Variants in EHBP1 observed in about 807,000 individuals in gnomAD.
EHBP1 encodes EH domain-binding protein 1.
A neutral mutation model predicts 144.0 loss-of-function variants in EHBP1; 55 were observed. The observed-to-expected ratio is 0.38, with a 90% confidence interval of 0.31 to 0.48. EHBP1 has a LOEUF of 0.48. EHBP1 is among the 20% of genes least tolerant of loss of function. The pLI, the probability that EHBP1 is intolerant of heterozygous loss-of-function variation, is 0.98. For missense variants in EHBP1, 1,200 were observed against 1,364.2 expected, an observed-to-expected ratio of 0.88 and a Z score of 1.90; for synonymous variants, 469 against 472.7, an observed-to-expected ratio of 0.99 and a Z score of 0.10.
Position 63,019,830 on chromosome 2 carries a change from G to GGGAAGGAAGGAA in EHBP1, c.3104-17652_3104-17641dup, listed in dbSNP as rs539462695. 3.1e-3 allele frequency among the ~76,000 whole-genome samples: 109 copies of GGGAAGGAAGGAA among 34,768 alleles called. 1 individual carries two copies. Among genetic ancestry groups the GGGAAGGAAGGAA allele is most frequent in the Middle Eastern group, 0.019 (1 of 54 alleles). 22.8% of individuals were successfully genotyped at this position (34,768 alleles called of 152,430 possible). A position where few individuals can be genotyped will look rare whatever the true frequency, so the allele number is the denominator to read the frequency against. Reference sequence around the variant, plus strand: ...AAGGATAGGGAAGGGAAGAGGGGGAGGGAAGGAAGGAAGGAAGGAAGGAAG... The same window carrying GGGAAGGAAGGAA: ...AAGGATAGGGAAGGGAAGAGGGGGAGGGAAGGAAGGAAGGAAGGAAGGAAGGAAGGAAGGAAG... On this transcript the variant is annotated intron_variant, in intron 19 of 22. Transcript: ENST00000431489.
At chr2:62,995,800 G>T (rs991341284) in intron 18 of EHBP1, among the ~76,000 whole-genome samples, 14 of 152,096 alleles carry the variant, frequency 9.2e-5, no homozygotes, top group Non-Finnish European at 1.6e-4. Context: ...TGACTTTGAT[G>T]ATTTAAATTT....
intron 10 of EHBP1, among the ~76,000 whole-genome samples, chr2:62,890,668 A>G (rs2052382385): frequency 1.3e-5 from 2 of 152,142 alleles, no homozygotes; most frequent in Admixed American, 1.3e-4. Context: ...TAGATATTGG[A>G]TTATGTCGTC....
chr2:62,972,549 T>G (rs748497373), intron 14 of EHBP1, among the ~76,000 whole-genome samples: 5 of 152,180 alleles, frequency 3.3e-5, no homozygotes, highest in Non-Finnish European at 7.3e-5. Flanking sequence ...CATAATCAAT[T>G]ACTATAATTA....
chr2:62,835,754 A>T (rs1389604281), intron 7 of EHBP1, among the ~76,000 whole-genome samples: 1 of 152,232 alleles, frequency 6.6e-6, no homozygotes, highest in Admixed American at 6.5e-5. Flanking sequence ...AAATCGGGTC[A>T]CTCACACCCA....
intron 21 of EHBP1, among the ~76,000 whole-genome samples, chr2:63,039,732 A>G (rs2061584353): frequency 6.6e-6 from 1 of 152,192 alleles, no homozygotes; most frequent in Non-Finnish European, 1.5e-5. Context: ...TTCTTAAAAT[A>G]TTTTAATAAA....
chr2:62,878,942 C>A (rs2051126957), intron 10 of EHBP1, among the ~76,000 whole-genome samples: 1 of 150,954 alleles, frequency 6.6e-6, no homozygotes, highest in African/African-American at 2.4e-5. Flanking sequence ...CACTTGAACC[C>A]AGAAGGTGGA....
chr2:62,866,955 A>G (rs551511340), intron 9 of EHBP1, among the ~76,000 whole-genome samples: 2 of 152,288 alleles, frequency 1.3e-5, no homozygotes, highest in Admixed American at 6.5e-5. Flanking sequence ...CCAGAAGACA[A>G]TGAGGTGATA....
chr2:62,893,263 T>TCTATC (rs947526881), intron 10 of EHBP1, among the ~76,000 whole-genome samples: 1 of 152,230 alleles, frequency 6.6e-6, no homozygotes, highest in African/African-American at 2.4e-5. Context: ...AAGTAAACTT[T>TCTATC]CTATCATATA....
intron 19 of EHBP1, among the ~76,000 whole-genome samples, chr2:63,006,614 A>G (rs1032225468): frequency 6.6e-6 from 1 of 151,966 alleles, no homozygotes; most frequent in Admixed American, 6.6e-5. Context: ...AGTTAAATAC[A>G]TTTTAAGTAA....
At chr2:62,813,806 A>G (rs761632472) in intron 5 of EHBP1, among the ~76,000 whole-genome samples, 7 of 152,200 alleles carry the variant, frequency 4.6e-5, no homozygotes, top group Non-Finnish European at 7.4e-5. Context: ...CTTGTTGCCT[A>G]TTTCTCTCTT....
chr2:62,726,819 G>T (rs1297099103), intron 2 of EHBP1: 1 of 151,548 alleles, frequency 6.6e-6, no homozygotes, highest in South Asian at 2.1e-4. Context: ...CCATCCTGTT[G>T]AATTAATTAA....
chr2:62,945,061 A>G (rs902294173), intron 12 of EHBP1, among the ~76,000 whole-genome samples: 5 of 152,250 alleles, frequency 3.3e-5, no homozygotes, highest in Admixed American at 2.6e-4. Flanking sequence ...AAACCACCAT[A>G]GTGTTAACCA....
chr2:62,868,793 ATTT>A (rs1242532284), intron 9 of EHBP1, among the ~76,000 whole-genome samples: 1 of 151,240 alleles, frequency 6.6e-6, no homozygotes, highest in Non-Finnish European at 1.5e-5. Flanking sequence ...TAAAAAAAAA[ATTT>A]TTTTTTAATT....
At chr2:62,900,118 G>T (rs2053273839) in intron 10 of EHBP1, among the ~76,000 whole-genome samples, 1 of 152,042 alleles carries the variant, frequency 6.6e-6, no homozygotes, top group African/African-American at 2.4e-5. Flanking sequence ...TACATTTAAG[G>T]GTTCTATGGT....
intron 7 of EHBP1, among the ~76,000 whole-genome samples, chr2:62,836,145 G>C (rs987101630): frequency 2.6e-3 from 403 of 152,276 alleles, no homozygotes; most frequent in African/African-American, 8.7e-3. Context: ...CTGGAGATCT[G>C]AGAACCGGCA....
chr2:62,919,994 C>G (rs968075584), intron 10 of EHBP1, among the ~76,000 whole-genome samples: 2 of 152,140 alleles, frequency 1.3e-5, no homozygotes, highest in African/African-American at 4.8e-5. Flanking sequence ...TGTGAGACAC[C>G]ATCAACTAAA....
intron 19 of EHBP1, among the ~76,000 whole-genome samples, chr2:63,018,608 A>G (rs2060579004): frequency 6.6e-6 from 1 of 152,154 alleles, no homozygotes; most frequent in Non-Finnish European, 1.5e-5. Context: ...TTTACTATAT[A>G]CAGTATTAAG....
intron 10 of EHBP1, among the ~76,000 whole-genome samples, chr2:62,919,426 C>G (rs2054889325): frequency 6.6e-6 from 1 of 152,138 alleles, no homozygotes; most frequent in Admixed American, 6.5e-5. Flanking sequence ...GGCACAGGTA[C>G]AGAAAAGACC....
intron 7 of EHBP1, among the ~76,000 whole-genome samples, chr2:62,832,482 C>G (rs1312791839): frequency 6.9e-6 from 1 of 145,586 alleles, no homozygotes; most frequent in African/African-American, 2.6e-5. Flanking sequence ...TTTGGCAACC[C>G]TACATTGAGC....
Sources: allele counts gnomAD v4.1 joint callset (sites outside exome capture counted in the v4.1 genomes callset), GRCh38; gene constraint gnomAD v4.1.1; transcripts MANE v1.5; gene names NCBI Gene and HGNC (gene_info 2026-07-23, HGNC 2026-07-21).